The following LRP1B variants were observed in gnomAD, a reference collection of about 807,000 sequenced individuals.
LRP1B encodes LDL receptor related protein 1B, also known as low-density lipoprotein receptor-related protein 1B.
LRP1B carries 217 observed loss-of-function variants against 556.6 expected under a neutral mutation model. That is an observed-to-expected ratio of 0.39 (90% CI 0.35 to 0.44). The LOEUF is 0.44. Among genes scored for constraint, LRP1B ranks in the 20% least tolerant of loss-of-function variants. LRP1B has a pLI of 1.00. For missense variants in LRP1B, 5,053 were observed against 5,620.8 expected (o/e 0.90, Z 3.23); for synonymous variants, 2,047 against 1,865.8 (o/e 1.10, Z -2.50).
At chr2:140,456,381 T>A in intron 62 of LRP1B, 74 bp downstream of exon 62, 1 of 1,400,060 alleles carries the variant, frequency 7.1e-7, no homozygotes, top group Non-Finnish European at 9.7e-7. Context: ...GAATGATCAT[T>A]CAATGTTATG....
At chr2:141,645,563 T>C in intron 2 of LRP1B, among the ~76,000 whole-genome samples, 1 of 151,224 alleles carries the variant, frequency 6.6e-6, no homozygotes, top group Non-Finnish European at 1.5e-5. Flanking sequence ...CTTACTGTTT[T>C]AAGAATCTCA....
intron 2 of LRP1B, among the ~76,000 whole-genome samples, chr2:141,505,235 G>T (rs1683880366): frequency 8.1e-6 from 1 of 123,636 alleles, no homozygotes; most frequent in Non-Finnish European, 1.9e-5. Flanking sequence ...CATATTCTTT[G>T]ATCTCCTGCT....
At chr2:140,901,844 C>T (rs1266041323) in intron 23 of LRP1B, among the ~76,000 whole-genome samples, 1 of 151,698 alleles carries the variant, frequency 6.6e-6, no homozygotes, top group Non-Finnish European at 1.5e-5. Flanking sequence ...ATTCTAATTC[C>T]TTTTTGTCTT....
At chr2:141,046,782 C>T (rs1698882986) in intron 11 of LRP1B, among the ~76,000 whole-genome samples, 2 of 152,146 alleles carry the variant, frequency 1.3e-5, no homozygotes, top group African/African-American at 4.8e-5. Flanking sequence ...CATTTTGGTC[C>T]TTGAAAGTGT....
intron 41 of LRP1B, among the ~76,000 whole-genome samples, chr2:140,642,483 C>T (rs1406698324): frequency 6.6e-6 from 1 of 152,022 alleles, no homozygotes; most frequent in East Asian, 1.9e-4. Flanking sequence ...GGAGAGAAAC[C>T]TGAATTATCA....
intron 1 of LRP1B, among the ~76,000 whole-genome samples, chr2:141,863,792 CTT>C (rs1305900149): frequency 6.6e-6 from 1 of 151,724 alleles, no homozygotes; most frequent in African/African-American, 2.4e-5. Context: ...GATTCATTGT[CTT>C]TTCATTATAC....
chr2:140,637,696 T>G (rs906240599), intron 41 of LRP1B, among the ~76,000 whole-genome samples: 1 of 152,090 alleles, frequency 6.6e-6, no homozygotes, highest in Non-Finnish European at 1.5e-5. Flanking sequence ...CCTGCTGCAG[T>G]CTCATAAAAA....
intron 2 of LRP1B, among the ~76,000 whole-genome samples, chr2:141,600,259 A>G (rs62166492): frequency 0.045 from 6,800 of 152,236 alleles, 211 homozygotes; most frequent in Non-Finnish European, 0.067. Flanking sequence ...AAAAAATGCA[A>G]TACCCAAGTC....
intron 1 of LRP1B, among the ~76,000 whole-genome samples, chr2:141,843,744 T>C (rs1237371137): frequency 6.6e-6 from 1 of 152,164 alleles, no homozygotes; most frequent in Non-Finnish European, 1.5e-5. Context: ...GCAAAGCATA[T>C]TCCATTGTGC....
Position 140,371,180 on chromosome 2 carries a change from T to A in LRP1B, c.10874A>T (p.Glu3625Val). ...TTTTAATTAAACAATATATTTTACC[T>A]CATCTGAACCATCAGCACAATCATA... ...GEYDCADGSDEMDCVTECKED... is the reference protein window; with the variant it reads ...GEYDCADGSDVMDCVTECKED... Residue 3625 changes from glutamate (E) to valine (V), a missense_variant and splice_region_variant, in exon 70 of 91, where the codon GAG becomes GTG. By Grantham distance (121) the Glu-to-Val change is moderately radical. This residue lies in a region of LRP1B where 599 missense variants were observed against 648.4 expected (regional missense o/e 0.92). Coordinates refer to ENST00000389484, the MANE Select transcript of LRP1B (RefSeq NM_018557.3). 1 of 1,553,582 alleles carries A rather than the reference T, an allele frequency of 6.4e-7. No individual in the cohort carries two copies. Among genetic ancestry groups the A allele is most frequent in the Non-Finnish European group, 8.7e-7 (1 of 1,146,794 alleles).
chr2:141,447,273 T>C (rs1343262255), intron 3 of LRP1B, among the ~76,000 whole-genome samples: 4 of 146,800 alleles, frequency 2.7e-5, no homozygotes, highest in Admixed American at 2.0e-4. Flanking sequence ...AGTTCATTTA[T>C]GTTCTTCTCT....
intron 3 of LRP1B, among the ~76,000 whole-genome samples, chr2:141,405,637 T>C (rs1214444306): frequency 6.6e-6 from 1 of 152,090 alleles, no homozygotes; most frequent in East Asian, 1.9e-4. Context: ...CAGAGATACT[T>C]ATTTTAAAAA....
intron 1 of LRP1B, among the ~76,000 whole-genome samples, chr2:142,058,062 G>A (rs1327012628): frequency 6.6e-6 from 1 of 152,102 alleles, no homozygotes; most frequent in Non-Finnish European, 1.5e-5. Flanking sequence ...GCAGAAATAG[G>A]TATGAATATG....
At chr2:141,888,880 A>T (rs1468235068) in intron 1 of LRP1B, among the ~76,000 whole-genome samples, 5 of 152,184 alleles carry the variant, frequency 3.3e-5, no homozygotes, top group African/African-American at 1.2e-4. Context: ...TATTGTATAC[A>T]TGCAGAGCTA....
At chr2:141,896,573 T>C (rs1699458387) in intron 1 of LRP1B, among the ~76,000 whole-genome samples, 1 of 152,146 alleles carries the variant, frequency 6.6e-6, no homozygotes, top group Admixed American at 6.6e-5. Context: ...CTTCATTTGA[T>C]ATGGATGGAA....
intron 82 of LRP1B, among the ~76,000 whole-genome samples, chr2:140,318,859 CAT>C (rs1421093929): frequency 1.3e-5 from 2 of 151,972 alleles, no homozygotes; most frequent in African/African-American, 2.4e-5. Flanking sequence ...TAAATAAATT[CAT>C]ATATGTCTAC....
chr2:140,516,097 A>T (rs2104936272), intron 50 of LRP1B, among the ~76,000 whole-genome samples: 1 of 152,186 alleles, frequency 6.6e-6, no homozygotes, highest in African/African-American at 2.4e-5. Context: ...GAGGTAGAAG[A>T]TGAAAGGCAA....
In LRP1B at chr2:141,012,690, C is replaced by T. The variant is rs577022784; in HGVS notation, c.2380+866G>A. 6.3e-4 allele frequency among the ~76,000 whole-genome samples: 95 copies of T among 151,992 alleles called. No individual in the cohort carries two copies. The South Asian group carries it at 0.012, about 20-fold the overall frequency. On this transcript the variant is annotated intron_variant, in intron 14 of 90. Transcript: ENST00000389484. ...TTAATATAGTGGGAAAAAACTGAAG[C>T]TTTTGAATGAGATAGTTTGCTTTAG...
chr2:140,302,821 C>T (rs1683890999), intron 83 of LRP1B, among the ~76,000 whole-genome samples: 2 of 151,864 alleles, frequency 1.3e-5, no homozygotes, highest in Non-Finnish European at 2.9e-5. Flanking sequence ...TTGCTTCCTC[C>T]TCCCACCCAG....
Sources: gnomAD v4.1 joint callset for allele counts (sites outside exome capture counted in the v4.1 genomes callset) on GRCh38, gnomAD v4.1.1 for gene constraint, gnomAD v4.1.1 regional missense constraint, MANE v1.5 for transcripts, NCBI Gene and HGNC (gene_info 2026-07-23, HGNC 2026-07-21) for gene names.